Variants in FLOT2 observed in about 807,000 individuals in gnomAD.
FLOT2 encodes the protein flotillin 2, also known as flotillin-2.
A neutral mutation model predicts 54.9 loss-of-function variants in FLOT2; 35 were observed. That is an observed-to-expected ratio of 0.64 (90% CI 0.49 to 0.84). The LOEUF is 0.84. Ranked by LOEUF, FLOT2 falls within the 40% of genes least tolerant of loss-of-function variation. The pLI, the probability that FLOT2 is intolerant of heterozygous loss-of-function variation, is 0.00. For synonymous variants in FLOT2, 207 were observed against 228.9 expected (o/e 0.90, Z 0.86); for missense variants, 464 against 572.1 (o/e 0.81, Z 1.93).
intron 2 of FLOT2, among the ~76,000 whole-genome samples, chr17:28,888,192 AG>A (rs951657246): frequency 3.9e-5 from 6 of 152,270 alleles, no homozygotes; most frequent in Middle Eastern, 3.4e-3. Context: ...ATAATGAGGA[AG>A]GGGGCGATCG....
chr17:28,884,060 T>C lies in FLOT2; in HGVS notation c.222+165A>G, dbSNP rs1009149784. 6.6e-6 allele frequency among the ~76,000 whole-genome samples: 1 copy of C among 152,138 alleles called. No individual in the cohort carries two copies. Among genetic ancestry groups the C allele is most frequent in the African/African-American group, 2.4e-5 (1 of 41,418 alleles). ...GGTGGCCAAAATGGCCCGGTGAGCA[T>C]GTTCCAGTGGCGACGACCTGACTAG... On this transcript the variant is annotated intron_variant, in intron 3 of 10. Coordinates refer to ENST00000394908, the MANE Select transcript of FLOT2 (RefSeq NM_004475.3). The surrounding 1 kb of genome is among the most constrained non-coding windows in gnomAD (Gnocchi z 5.1).
chr17:28,882,235 T>C lies in FLOT2; in HGVS notation c.582A>G (p.Glu194=). 1 of 1,614,202 alleles carries C rather than the reference T, an allele frequency of 6.2e-7. No homozygotes were observed. Among genetic ancestry groups the C allele is most frequent in the Non-Finnish European group, 8.5e-7 (1 of 1,180,036 alleles). The change falls in exon 7 of 11, where the codon GAA becomes GAG. Residue 194 remains glutamate (E), a splice_region_variant and synonymous_variant. Transcript: ENST00000394908. This position sits in a 1 kb window ranked among gnomAD's most constrained non-coding sequence, Gnocchi z 5.6. ...CCAGCATCTCCTTCTTGCACTCAGC[T>C]TCCTGGGGACAAAAGGGGCAGAAGG... ...AEAERDAGIR[E]AECKKEMLDV...
rs1438835314 is a variant in FLOT2, at chr17:28,879,645, A to T, written c.*916T>A. The T allele has an allele frequency of 1.0e-6, 1 of 985,866 alleles. No homozygotes were observed. The highest frequency in any genetic ancestry group is 1.2e-6 in the Non-Finnish European group (1 of 830,080). 61.1% of individuals were successfully genotyped at this position (985,866 alleles called of 1,614,324 possible). ...GGGCTCTGGGGTCTGGCCAGGCTACAGCACTCGATTCTGTACAGGGTTGGC... is the reference window on the plus strand; with the variant it reads ...GGGCTCTGGGGTCTGGCCAGGCTACTGCACTCGATTCTGTACAGGGTTGGC... On this transcript the variant is annotated 3_prime_UTR_variant, in exon 11 of 11. Transcript: ENST00000394908.
chr17:28,889,124 A>G lies in FLOT2; in HGVS notation c.50-98T>C, dbSNP rs137876361. On this transcript the variant is annotated intron_variant, in intron 1 of 10. Transcript: ENST00000394908. ...ACTTTTGTCCTTTACCTGCTCTGAT[A>G]CTTGACAACGCCTACTGTTGGGTGC... The G allele has an allele frequency of 3.3e-4, 306 of 926,506 alleles. 1 individual carries two copies. In the African/African-American group the frequency reaches 4.8e-3, roughly 14 times the overall value. 57.4% of individuals were successfully genotyped at this position (926,506 alleles called of 1,614,324 possible).
At chr17:28,893,799 A>G (rs577849428) in intron 1 of FLOT2, among the ~76,000 whole-genome samples, 2 of 152,360 alleles carry the variant, frequency 1.3e-5, no homozygotes, top group Non-Finnish European at 2.9e-5. Flanking sequence ...TTTATAGAAG[A>G]ACATTGTGAA....
chr17:28,893,868 T>C (rs2039694305), intron 1 of FLOT2, among the ~76,000 whole-genome samples: 1 of 152,238 alleles, frequency 6.6e-6, no homozygotes, highest in Non-Finnish European at 1.5e-5. Context: ...CTGTTACGTA[T>C]CCCCTAGATT....
Position 28,882,283 on chromosome 17 carries a change from C to T in FLOT2, c.580-46G>A, listed in dbSNP as rs763916891. The T allele has an allele frequency of 2.5e-6, 4 of 1,613,906 alleles. No individual in the cohort carries two copies. The East Asian group carries it at 8.9e-5, about 36-fold the overall frequency. On this transcript the variant is annotated intron_variant, in intron 6 of 10. Coordinates refer to ENST00000394908, the MANE Select transcript of FLOT2 (RefSeq NM_004475.3). This position sits in a 1 kb window ranked among gnomAD's most constrained non-coding sequence, Gnocchi z 5.6. The stretch of plus-strand genomic sequence containing the variant: ...AGGGGAAGGTGAGTGAGTAGAGGTC[C>T]TGAGTCATCATGGTCCCATCACCCC...
At chr17:28,885,839 A>G (rs753653933) in intron 2 of FLOT2, 1 of 1,493,200 alleles carries the variant, frequency 6.7e-7, no homozygotes, top group Non-Finnish European at 9.1e-7. Context: ...ACGGAGGAGG[A>G]AGCAGGTGGG....
intron 1 of FLOT2, among the ~76,000 whole-genome samples, chr17:28,894,493 G>A (rs1056489372): frequency 7.2e-5 from 11 of 151,962 alleles, no homozygotes; most frequent in African/African-American, 1.2e-4. Context: ...GCACTGTGGC[G>A]TGCACCTGTA....
In FLOT2 at chr17:28,881,970, C is replaced by T. The variant is rs200382440; in HGVS notation, c.758G>A (p.Arg253Gln). 26 of 1,614,004 alleles carry T rather than the reference C, an allele frequency of 1.6e-5. No homozygotes were observed. The highest frequency in any genetic ancestry group is 3.3e-5 in the Admixed American group (2 of 60,008). ...LQGAREQQKI[R>Q]QEEIEIEVVQ... ...AACCTCAATCTCAATCTCTTCCTGC[C>T]GGATCTTCTGCTGTTCACGGGCCCC... The change falls in exon 8 of 11, where the codon CGG becomes CAG. Residue 253 changes from arginine (R) to glutamine (Q), a missense_variant. Physicochemically the swap from Arg to Gln is conservative, Grantham distance 43. Transcript: ENST00000394908.
chr17:28,893,326 A>G (rs1360820303), intron 1 of FLOT2: 2 of 148,602 alleles, frequency 1.3e-5, no homozygotes, highest in African/African-American at 5.0e-5. Context: ...CCTCTGTTCC[A>G]CTCCCTTAGC....
chr17:28,895,428 A>AT (rs2039725318), intron 1 of FLOT2, among the ~76,000 whole-genome samples: 1 of 151,942 alleles, frequency 6.6e-6, no homozygotes, highest in African/African-American at 2.4e-5. Context: ...TGCCCGGCTA[A>AT]TTTTTTGTAT....
intron 1 of FLOT2, among the ~76,000 whole-genome samples, chr17:28,891,425 AAC>A (rs1326397050): frequency 6.6e-6 from 1 of 152,202 alleles, no homozygotes; most frequent in Admixed American, 6.5e-5. Flanking sequence ...ACCCTTGAGA[AAC>A]ACACACCACT....
chr17:28,886,830 A>G (rs2039554588), intron 2 of FLOT2, among the ~76,000 whole-genome samples: 1 of 152,170 alleles, frequency 6.6e-6, no homozygotes, highest in African/African-American at 2.4e-5. Context: ...TGCAGCCCCC[A>G]TCTCAATCCC....
Position 28,883,345 on chromosome 17 carries a change from T to C in FLOT2, c.223-114A>G. 7.6e-7 allele frequency: 1 copy of C among 1,319,180 alleles called. No homozygotes were observed. The highest frequency in any genetic ancestry group is 1.1e-6 in the Non-Finnish European group (1 of 944,530). The allele number at this position is 1,319,180 out of a possible 1,614,324, so 81.7% of individuals were successfully genotyped here. ...CCTCCTCCCTTCCTTTTTTCAGACC[T>C]GGAGGCCCTGGGGGGCTGGAATCTG... On this transcript the variant is annotated intron_variant, in intron 3 of 10. Transcript: ENST00000394908. The surrounding 1 kb of genome is among the most constrained non-coding windows in gnomAD (Gnocchi z 5.0).
rs376080270 is a variant in FLOT2, at chr17:28,888,994, C to T, written c.82G>A (p.Val28Met). Residue 28 changes from valine (V) to methionine (M), a missense_variant, in exon 2 of 11, where the codon GTG becomes ATG. Coordinates refer to ENST00000394908, the MANE Select transcript of FLOT2 (RefSeq NM_004475.3). The stretch of plus-strand genomic sequence containing the variant: ...CAGGCCCAGGCCCAGCCGCCAAACA[C>T]GTACTGTTTATAGTCGGAACCACAA... ...GCCGSDYKQY[V>M]FGGWAWAWWC... is the part of the protein sequence containing the mutation. 34 of 1,614,052 alleles carry T rather than the reference C, an allele frequency of 2.1e-5. No homozygotes were observed. Among genetic ancestry groups the T allele is most frequent in the Admixed American group, 6.7e-5 (4 of 60,010 alleles).
chr17:28,885,981 G>A (rs1183792912), intron 2 of FLOT2: 40 of 1,350,320 alleles, frequency 3.0e-5, no homozygotes, highest in Non-Finnish European at 3.9e-5. Context: ...GAGAGGTAGG[G>A]ACAGGAAGGG....
rs371970127 is a variant in FLOT2 at position 28,882,464 on chromosome 17, G to C, written c.466-14C>G. On this transcript the variant is annotated splice_polypyrimidine_tract_variant and intron_variant, in intron 5 of 10. Coordinates refer to ENST00000394908, the MANE Select transcript of FLOT2 (RefSeq NM_004475.3). This position sits in a 1 kb window ranked among gnomAD's most constrained non-coding sequence, Gnocchi z 5.6. ...GTCATACACGTCCTGGGGAGGGAAGGGGGTATCAGAGGCTCAAAGGAGCAG... is the reference window on the plus strand; with the variant it reads ...GTCATACACGTCCTGGGGAGGGAAGCGGGTATCAGAGGCTCAAAGGAGCAG... 1.1e-5 allele frequency: 17 copies of C among 1,611,622 alleles called. No individual in the cohort carries two copies. In the East Asian group the frequency reaches 3.6e-4, roughly 34 times the overall value.
At chr17:28,890,859 CTTCTTTTTT>C (rs1304840285) in intron 1 of FLOT2, among the ~76,000 whole-genome samples, 2 of 35,776 alleles carry the variant, frequency 5.6e-5, no homozygotes, top group Non-Finnish European at 2.3e-4. Flanking sequence ...GTTATCATTT[CTTCTTTTTT>C]TTTTTTTTTT....
Sources: gnomAD v4.1 joint callset for allele counts (sites outside exome capture counted in the v4.1 genomes callset) on GRCh38, gnomAD v4.1.1 for gene constraint, Gnocchi (gnomAD v3.1) non-coding constraint, MANE v1.5 for transcripts, NCBI Gene and HGNC (gene_info 2026-07-23, HGNC 2026-07-21) for gene names.